CXCL13: variants seen among roughly 807,000 people sequenced by gnomAD.
The protein encoded by CXCL13 is C-X-C motif chemokine ligand 13.
In CXCL13, 7 loss-of-function variants were observed where a neutral mutation model predicts 12.2. The ratio of observed to expected loss-of-function variants is 0.57; its 90% CI spans 0.33 to 1.07. The LOEUF (loss-of-function observed/expected upper bound fraction) is 1.07. CXCL13 is among the 50% of genes least tolerant of loss of function. The pLI, the probability that CXCL13 is intolerant of heterozygous loss-of-function variation, is 0.04. For synonymous variants in CXCL13, 47 were observed against 42.4 expected (o/e 1.11, Z -0.42); for missense variants, 113 against 127.4 (o/e 0.89, Z 0.55).
intron 1 of CXCL13, among the ~76,000 whole-genome samples, chr4:77,561,455 C>T (rs1725811188): frequency 6.6e-6 from 1 of 152,164 alleles, no homozygotes; most frequent in Admixed American, 6.5e-5. Flanking sequence ...TCTAATTATC[C>T]CAACAGTCCT....
chr4:77,545,498 T>G (rs1452997448), intron 1 of CXCL13, among the ~76,000 whole-genome samples: 2 of 152,192 alleles, frequency 1.3e-5, no homozygotes, highest in Non-Finnish European at 2.9e-5. Context: ...TATTTTATTC[T>G]CTTTGAAGCA....
At chr4:77,553,284 CT>C (rs1192465391) in intron 1 of CXCL13, among the ~76,000 whole-genome samples, 1 of 152,238 alleles carries the variant, frequency 6.6e-6, no homozygotes, top group African/African-American at 2.4e-5. Context: ...GCTGTGGAAG[CT>C]TCTACCCAAC....
At chr4:77,517,716 G>T (rs1437987353) in intron 1 of CXCL13, among the ~76,000 whole-genome samples, 2 of 152,120 alleles carry the variant, frequency 1.3e-5, no homozygotes, top group Admixed American at 6.5e-5. Flanking sequence ...CATGTGAGAT[G>T]GGTTTCCCGA....
intron 1 of CXCL13, among the ~76,000 whole-genome samples, chr4:77,520,961 C>T (rs1724579817): frequency 6.6e-6 from 1 of 152,136 alleles, no homozygotes; most frequent in South Asian, 2.1e-4. Context: ...TTTTCTGCAT[C>T]CATTGAGATA....
At chr4:77,553,552 A>G (rs1725583841) in intron 1 of CXCL13, among the ~76,000 whole-genome samples, 1 of 152,202 alleles carries the variant, frequency 6.6e-6, no homozygotes, top group Non-Finnish European at 1.5e-5. Flanking sequence ...TTGGATCCCC[A>G]GTGGAAAGGT....
chr4:77,515,154 C>T (rs1290512838), intron 1 of CXCL13, among the ~76,000 whole-genome samples: 2 of 152,168 alleles, frequency 1.3e-5, no homozygotes, highest in Non-Finnish European at 2.9e-5. Context: ...CTGTTCTGTT[C>T]CATTGATCTA....
chr4:77,562,929 A>T (rs1369709261), intron 1 of CXCL13, among the ~76,000 whole-genome samples: 3 of 152,192 alleles, frequency 2.0e-5, no homozygotes, highest in Non-Finnish European at 2.9e-5. Flanking sequence ...ATAAGGGAAT[A>T]AAAGCAGGCT....
At chr4:77,604,911 C>T (rs912619007), upstream of CXCL13, among the ~76,000 whole-genome samples, 3 of 152,178 alleles carry the variant, frequency 2.0e-5, no homozygotes, top group Non-Finnish European at 4.4e-5. Flanking sequence ...TTTAGTGGTA[C>T]TCTAGGCCAG....
intron 1 of CXCL13, among the ~76,000 whole-genome samples, chr4:77,576,586 C>T (rs941801322): frequency 6.6e-6 from 1 of 152,152 alleles, no homozygotes; most frequent in Admixed American, 6.5e-5. Flanking sequence ...AAAAATGTCA[C>T]TTTCTGACAG....
At chr4:77,557,527 A>G (rs1020420886) in intron 1 of CXCL13, among the ~76,000 whole-genome samples, 7 of 152,178 alleles carry the variant, frequency 4.6e-5, no homozygotes, top group African/African-American at 1.4e-4. Context: ...GTTTTTCCTC[A>G]GGGACACTGT....
At chr4:77,604,231 C>T (rs1726952648), upstream of CXCL13, among the ~76,000 whole-genome samples, 1 of 152,106 alleles carries the variant, frequency 6.6e-6, no homozygotes, top group Non-Finnish European at 1.5e-5. Context: ...TTCTGCCCAC[C>T]ATGGGCCCCT....
intron 1 of CXCL13, among the ~76,000 whole-genome samples, chr4:77,574,707 T>C (rs1455015262): frequency 6.6e-6 from 1 of 151,954 alleles, no homozygotes; most frequent in Non-Finnish European, 1.5e-5. Context: ...ATTCTTGCAA[T>C]GAAAAATCTG....
At chr4:77,604,083 G>A (rs141804952), upstream of CXCL13, among the ~76,000 whole-genome samples, 347 of 152,284 alleles carry the variant, frequency 2.3e-3, 1 homozygote, top group Non-Finnish European at 3.8e-3. Context: ...GCTGGCCAGC[G>A]GCAAGGAGTG....
intron 1 of CXCL13, among the ~76,000 whole-genome samples, chr4:77,526,111 T>C (rs1182627195): frequency 6.6e-6 from 1 of 150,794 alleles, no homozygotes; most frequent in Admixed American, 6.6e-5. Flanking sequence ...CAGAAAGATG[T>C]TGTATTAACT....
chr4:77,534,864 G>T lies in CXCL13; in HGVS notation c.-43+23076G>T, dbSNP rs1725022110. Among the ~76,000 whole-genome samples, 4 of 152,156 alleles carry T rather than the reference G, an allele frequency of 2.6e-5. 1 individual carries two copies. In the South Asian group the frequency reaches 8.3e-4, roughly 32 times the overall value. Reference sequence around the variant, plus strand: ...ACCTTACTGAGCTATACACATTTGTGGAACCTTTGTTTTGGCCTTATATTT... The same window carrying T: ...ACCTTACTGAGCTATACACATTTGTTGAACCTTTGTTTTGGCCTTATATTT... On this transcript the variant is annotated intron_variant, in intron 1 of 4. Transcript: ENST00000286758.
intron 1 of CXCL13, among the ~76,000 whole-genome samples, chr4:77,528,765 A>G (rs1014512461): frequency 6.6e-6 from 1 of 152,190 alleles, no homozygotes. Flanking sequence ...TTTGCTGTGC[A>G]GAAGCTCTTC....
chr4:77,512,718 G>A (rs953021419), intron 1 of CXCL13, among the ~76,000 whole-genome samples: 1 of 152,156 alleles, frequency 6.6e-6, no homozygotes, highest in Non-Finnish European at 1.5e-5. Context: ...GACTTGAACA[G>A]ATGATTTGGG....
rs373157913 is a variant in CXCL13 at position 77,540,697 on chromosome 4, C to T, written c.-43+28909C>T. Among the ~76,000 whole-genome samples the T allele has an allele frequency of 2.0e-4, 30 of 152,186 alleles. No individual in the cohort carries two copies. In the South Asian group the frequency reaches 3.9e-3, roughly 20 times the overall value. ...GATGGACACCTAGGCTGATTCTATG[C>T]CTGCTATTGTGAATAGTTCTGTGAT... On this transcript the variant is annotated intron_variant, in intron 1 of 4. Transcript: ENST00000286758.
intron 1 of CXCL13, among the ~76,000 whole-genome samples, chr4:77,522,445 C>T (rs28769086): frequency 0.22 from 32,152 of 147,222 alleles, 3,944 homozygotes; most frequent in South Asian, 0.35. Flanking sequence ...ATGTAATGGC[C>T]TTCTTTGTCT....
Sources: allele counts gnomAD v4.1 joint callset (sites outside exome capture counted in the v4.1 genomes callset), GRCh38; gene constraint gnomAD v4.1.1; transcripts MANE v1.5; gene names NCBI Gene and HGNC (gene_info 2026-07-23, HGNC 2026-07-21).